Variants in CUZD1 observed in about 807,000 individuals in gnomAD.
The protein encoded by CUZD1 is CUB and zona pellucida-like domain-containing protein 1.
A neutral mutation model predicts 53.1 loss-of-function variants in CUZD1; 42 were observed. The observed-to-expected ratio is 0.79, with a 90% CI of 0.62 to 1.02. CUZD1 has a LOEUF of 1.02. Among genes scored for constraint, CUZD1 ranks in the 50% least tolerant of loss-of-function variants. CUZD1 has a pLI of 0.00. For missense variants in CUZD1, 670 were observed against 715.7 expected, an observed-to-expected ratio of 0.94 and a Z score of 0.73; for synonymous variants, 238 against 257.2, an observed-to-expected ratio of 0.93 and a Z score of 0.71.
At chr10:122,843,416 GATTA>G (rs1286051372) in intron 1 of CUZD1, among the ~76,000 whole-genome samples, 1 of 152,052 alleles carries the variant, frequency 6.6e-6, no homozygotes, top group African/African-American at 2.4e-5. Context: ...AACATCTCTA[GATTA>G]TTTATAATAC....
At chr10:122,835,542 G>A (rs147609275) in intron 6 of CUZD1, among the ~76,000 whole-genome samples, 13 of 152,266 alleles carry the variant, frequency 8.5e-5, no homozygotes, top group African/African-American at 1.9e-4. Context: ...AAGACTGTGC[G>A]TTCATTTTTG....
Position 122,839,127 on chromosome 10 carries a change from A to G in CUZD1, c.338T>C (p.Val113Ala), listed in dbSNP as rs780911533. ...ACTGGATGATGATTCAAATACAGGA[A>G]CATAGTCGTTTTTACTGCAGACTTG... Reference protein sequence around the residue: ...LGQVCSKNDYVPVFESSSSTL... With the variant: ...LGQVCSKNDYAPVFESSSSTL... Residue 113 changes from valine to alanine, a missense_variant, in exon 3 of 9, where the codon GTT becomes GCT. Physicochemically the swap from Val to Ala is moderately conservative, Grantham distance 64. Transcript: ENST00000392790. 2 of 1,614,066 alleles carry G rather than the reference A, an allele frequency of 1.2e-6. No homozygotes were observed. The highest frequency in any genetic ancestry group is 2.2e-5 in the East Asian group (1 of 44,904).
intron 4 of CUZD1, 55 bp from the exon 5 acceptor site, chr10:122,837,103 T>C (rs1847266354): frequency 7.8e-7 from 1 of 1,286,078 alleles, no homozygotes; most frequent in Admixed American, 2.2e-5. Flanking sequence ...CAATTCTATT[T>C]TCTAACATCC....
chr10:122,840,172 C>T (rs1052923766), intron 2 of CUZD1, among the ~76,000 whole-genome samples: 5 of 152,162 alleles, frequency 3.3e-5, no homozygotes, highest in African/African-American at 1.2e-4. Context: ...TCTTTTGCTT[C>T]TTTGAAGGAT....
At chr10:122,841,462 C>T in intron 1 of CUZD1, 134 bp from the exon 2 acceptor site, 10 of 780,778 alleles carry the variant, frequency 1.3e-5, no homozygotes, top group Non-Finnish European at 1.8e-5. Flanking sequence ...TAGCTTTCTC[C>T]AAAGTAAGTC....
intron 1 of CUZD1, among the ~76,000 whole-genome samples, chr10:122,844,189 T>C (rs886249037): frequency 1.3e-5 from 2 of 151,638 alleles, no homozygotes; most frequent in Admixed American, 6.6e-5. Context: ...CCACCATGCC[T>C]GGCTAAAAAA....
intron 2 of CUZD1, 60 bp downstream of exon 2, chr10:122,841,118 C>T (rs561627027): frequency 6.7e-7 from 1 of 1,499,178 alleles, no homozygotes; most frequent in Non-Finnish European, 9.1e-7. Context: ...AGTCCCCCTA[C>T]CCACCCCAAT....
chr10:122,842,522 G>A (rs544839629), intron 1 of CUZD1, among the ~76,000 whole-genome samples: 28 of 152,228 alleles, frequency 1.8e-4, no homozygotes, highest in Middle Eastern at 3.4e-3. Flanking sequence ...TGTAGTTTAT[G>A]TTATTACTGT....
intron 6 of CUZD1, 109 bp from the exon 7 acceptor site, chr10:122,835,206 G>A: frequency 2.6e-6 from 2 of 758,246 alleles, no homozygotes; most frequent in South Asian, 2.5e-5. Flanking sequence ...TAAATCACGA[G>A]GTAACAGCTT....
chr10:122,834,710 T>A lies in CUZD1; in HGVS notation c.1378A>T (p.Ser460Cys), dbSNP rs562825865. Residue 460 changes from serine to cysteine, a missense_variant, in exon 7 of 9, where the codon AGT (serine) becomes TGT (cysteine). Coordinates refer to ENST00000392790, the MANE Select transcript of CUZD1 (RefSeq NM_022034.6). ...FASPTYDLIKSGCSRDETCKV... is the reference protein window; with the variant it reads ...FASPTYDLIKCGCSRDETCKV... ...ATCAGTTACATTAATACATACCCAC[T>A]CTTGATTAGGTCGTAGGTTGGAGAT... 1 of 1,595,716 alleles carries A rather than the reference T, an allele frequency of 6.3e-7. No homozygotes were observed. The highest frequency in any genetic ancestry group is 2.2e-5 in the East Asian group (1 of 44,650).
At chr10:122,837,686 A>G in intron 3 of CUZD1, 132 bp from the exon 4 acceptor site, 1 of 879,282 alleles carries the variant, frequency 1.1e-6, no homozygotes, top group South Asian at 2.4e-5. Flanking sequence ...TGGGTCACAT[A>G]TTGAGGTTTT....
Position 122,833,801 on chromosome 10 carries a change from G to A in CUZD1, c.1522C>T (p.His508Tyr), listed in dbSNP as rs376529378. Reference sequence around the variant, plus strand: ...CAACCTTGATTGCAGCGAGACTGGTGGTCACTGCTATCACATATCAAAACT... The same window carrying A: ...CAACCTTGATTGCAGCGAGACTGGTAGTCACTGCTATCACATATCAAAACT... ...CKVLICDSSD[H>Y]QSRCNQGCVS... The change falls in exon 8 of 9, where the codon CAC (histidine) becomes TAC (tyrosine). Residue 508 changes from histidine to tyrosine, a missense_variant. By Grantham distance (83) the His-to-Tyr change is moderately conservative. Coordinates refer to ENST00000392790, the MANE Select transcript of CUZD1 (RefSeq NM_022034.6). 9 of 1,613,860 alleles carry A rather than the reference G, an allele frequency of 5.6e-6. No homozygotes were observed. The African/African-American group carries it at 9.3e-5, about 17-fold the overall frequency.
At chr10:122,839,317 A>G (rs1847300453) in intron 2 of CUZD1, 86 bp from the exon 3 acceptor site, 2 of 1,180,302 alleles carry the variant, frequency 1.7e-6, no homozygotes, top group African/African-American at 3.1e-5. Context: ...TAGGCATGTA[A>G]ATTTACAAAG....
At chr10:122,839,304 A>T in intron 2 of CUZD1, 73 bp from the exon 3 acceptor site, 3 of 1,293,146 alleles carry the variant, frequency 2.3e-6, no homozygotes, top group Non-Finnish European at 3.3e-6. Flanking sequence ...TCAATTGCTC[A>T]CCTAGGCATG....
intron 1 of CUZD1, among the ~76,000 whole-genome samples, chr10:122,843,209 GAATA>G (rs1201860474): frequency 6.6e-6 from 1 of 152,136 alleles, no homozygotes; most frequent in African/African-American, 2.4e-5. Context: ...ATCAATTGAT[GAATA>G]AATAAAACAT....
At chr10:122,840,491 C>T (rs1847323468) in intron 2 of CUZD1, among the ~76,000 whole-genome samples, 1 of 152,068 alleles carries the variant, frequency 6.6e-6, no homozygotes. Flanking sequence ...AGTCTTGGAC[C>T]TGGTGACTTC....
chr10:122,844,379 GA>G (rs1847399904), intron 1 of CUZD1, among the ~76,000 whole-genome samples: 2 of 152,060 alleles, frequency 1.3e-5, no homozygotes, highest in South Asian at 4.1e-4. Flanking sequence ...TCTGGAATTA[GA>G]TAGTGGTGAT....
rs1179164649 is a variant in CUZD1, at chr10:122,837,673, C to CAA, written c.449-120_449-119insTT. The stretch of plus-strand genomic sequence containing the variant: ...GAGTATGATTCCATCTCTATCTTTC[C>CAA]CATGGGTCACATATTGAGGTTTTCA... On this transcript the variant is annotated intron_variant, in intron 3 of 8. Coordinates refer to ENST00000392790, the MANE Select transcript of CUZD1 (RefSeq NM_022034.6). 4 of 983,918 alleles carry CAA rather than the reference C, an allele frequency of 4.1e-6. No individual in the cohort carries two copies. In the East Asian group the frequency reaches 1.1e-4, roughly 28 times the overall value. The allele number at this position is 983,918 out of a possible 1,614,324, so 60.9% of individuals were successfully genotyped here. A position where few individuals can be genotyped will look rare whatever the true frequency, so the allele number is the denominator to read the frequency against.
At position 122,836,358 on chromosome 10, in the gene CUZD1, GAAAAAAA is replaced by G; in HGVS notation, c.818-15_818-9del. The G allele has an allele frequency of 3.3e-6, 4 of 1,208,620 alleles. No individual in the cohort carries two copies. Among genetic ancestry groups the G allele is most frequent in the Non-Finnish European group, 4.3e-6 (4 of 919,676 alleles). 74.9% of individuals were successfully genotyped at this position (1,208,620 alleles called of 1,614,324 possible). A position where few individuals can be genotyped will look rare whatever the true frequency, so the allele number is the denominator to read the frequency against. ...AAGAGCAAGTTAAAGATGCTGTCAG[GAAAAAAA>G]AAAAAAAAAGAATGGTCATGTTTAT... On this transcript the variant is annotated splice_polypyrimidine_tract_variant and intron_variant, in intron 5 of 8. Transcript: ENST00000392790.
Sources: allele counts gnomAD v4.1 joint callset (sites outside exome capture counted in the v4.1 genomes callset), GRCh38; gene constraint gnomAD v4.1.1; transcripts MANE v1.5; gene names NCBI Gene and HGNC (gene_info 2026-07-23, HGNC 2026-07-21).